Variants in GRID1 observed in about 807,000 individuals in gnomAD.
GRID1 encodes the protein glutamate ionotropic receptor delta type subunit 1.
A neutral mutation model predicts 98.0 loss-of-function variants in GRID1; 28 were observed. The observed-to-expected ratio is 0.29, with a 90% CI of 0.21 to 0.39. The LOEUF (loss-of-function observed/expected upper bound fraction) is 0.39. Among genes scored for constraint, GRID1 ranks in the 10% least tolerant of loss-of-function variants. The pLI, the probability that GRID1 is intolerant of heterozygous loss-of-function variation, is 1.00. For missense variants in GRID1, 1,111 were observed against 1,340.5 expected, an observed-to-expected ratio of 0.83 and a Z score of 2.67; for synonymous variants, 553 against 538.5, an observed-to-expected ratio of 1.03 and a Z score of -0.37.
chr10:85,745,746 G>T lies in GRID1; in HGVS notation c.1234-16132C>A, dbSNP rs892307913. On this transcript the variant is annotated intron_variant, in intron 8 of 15. Transcript: ENST00000327946. ...ATTAAAAAAAAAAAAAAAAGTAATT[G>T]TAGTGTCACAAACATGACCAGGTTA... 4.2e-4 allele frequency among the ~76,000 whole-genome samples: 63 copies of T among 150,754 alleles called. 1 individual carries two copies. The highest frequency in any genetic ancestry group is 1.5e-3 in the African/African-American group (60 of 41,032).
At chr10:85,769,301 T>C (rs1233264875) in intron 8 of GRID1, among the ~76,000 whole-genome samples, 19 of 152,300 alleles carry the variant, frequency 1.2e-4, no homozygotes. Flanking sequence ...AAGTGGGAGA[T>C]AAATGTGGGG....
chr10:85,631,294 C>T (rs1461063792), intron 13 of GRID1, among the ~76,000 whole-genome samples: 2 of 152,136 alleles, frequency 1.3e-5, no homozygotes, highest in Non-Finnish European at 2.9e-5. Context: ...TATCAGTAGC[C>T]CCAAACAGCC....
intron 6 of GRID1, among the ~76,000 whole-genome samples, chr10:85,857,487 C>T (rs981426398): frequency 3.9e-5 from 6 of 152,036 alleles, no homozygotes; most frequent in African/African-American, 1.4e-4. Context: ...GCTCTGTTCT[C>T]GGATGTCACC....
At chr10:86,244,079 C>T (rs1396457236) in intron 2 of GRID1, among the ~76,000 whole-genome samples, 1 of 152,214 alleles carries the variant, frequency 6.6e-6, no homozygotes, top group African/African-American at 2.4e-5. Flanking sequence ...CAGCTCCTCT[C>T]CTTATCTCTC....
At chr10:85,946,187 G>C (rs887055970) in intron 4 of GRID1, among the ~76,000 whole-genome samples, 4 of 152,126 alleles carry the variant, frequency 2.6e-5, no homozygotes, top group African/African-American at 9.7e-5. Context: ...TAGTACAAAA[G>C]ATTTCAAAAT....
chr10:86,179,354 C>T (rs1845621854), intron 3 of GRID1, among the ~76,000 whole-genome samples: 1 of 152,030 alleles, frequency 6.6e-6, no homozygotes, highest in African/African-American at 2.4e-5. Context: ...ATCAGCCAGA[C>T]ATTTACTCAT....
chr10:85,739,425 A>G (rs1841918995), intron 8 of GRID1, among the ~76,000 whole-genome samples: 1 of 152,062 alleles, frequency 6.6e-6, no homozygotes, highest in African/African-American at 2.4e-5. Context: ...AAAAATAAAC[A>G]AATAAAAAAA....
At chr10:86,304,587 A>C (rs1847734031) in intron 2 of GRID1, among the ~76,000 whole-genome samples, 1 of 152,244 alleles carries the variant, frequency 6.6e-6, no homozygotes, top group South Asian at 2.1e-4. Context: ...CCCCAAAGGC[A>C]GAAAGAGAAA....
intron 12 of GRID1, among the ~76,000 whole-genome samples, chr10:85,668,872 A>T (rs1841053532): frequency 1.3e-5 from 2 of 152,212 alleles, no homozygotes; most frequent in Non-Finnish European, 2.9e-5. Flanking sequence ...ACAGCTCATG[A>T]TCCTTCCTGT....
intron 4 of GRID1, among the ~76,000 whole-genome samples, chr10:86,053,113 CT>C (rs1843524134): frequency 6.6e-6 from 1 of 152,190 alleles, no homozygotes; most frequent in Non-Finnish European, 1.5e-5. Flanking sequence ...TTACCCTCCG[CT>C]GCAAAGGTAT....
intron 4 of GRID1, among the ~76,000 whole-genome samples, chr10:86,136,696 C>T (rs1844929866): frequency 6.6e-6 from 1 of 152,330 alleles, no homozygotes; most frequent in East Asian, 1.9e-4. Flanking sequence ...TCGGCGGAGA[C>T]TGAAGACTAC....
chr10:86,302,020 T>C (rs1177428761), intron 2 of GRID1, among the ~76,000 whole-genome samples: 1 of 152,198 alleles, frequency 6.6e-6, no homozygotes, highest in Non-Finnish European at 1.5e-5. Context: ...TGGCCCTCAC[T>C]CTACTTCTGG....
At chr10:86,006,975 C>T (rs1014971165) in intron 4 of GRID1, among the ~76,000 whole-genome samples, 1 of 152,142 alleles carries the variant, frequency 6.6e-6, no homozygotes, top group African/African-American at 2.4e-5. Flanking sequence ...TACCCAGCAG[C>T]TCTGGAGCAA....
At chr10:85,776,260 C>T (rs1293382106) in intron 8 of GRID1, among the ~76,000 whole-genome samples, 4 of 152,262 alleles carry the variant, frequency 2.6e-5, no homozygotes, top group African/African-American at 9.6e-5. Context: ...ATAAGCACTT[C>T]ACCTATGCAA....
At position 85,615,648 on chromosome 10, in the gene GRID1, T is replaced by A. The variant is rs575252662; in HGVS notation, c.2361-2001A>T. Among the ~76,000 whole-genome samples the A allele has an allele frequency of 3.6e-4, 55 of 152,342 alleles. 1 individual carries two copies. The highest frequency in any genetic ancestry group is 2.2e-3 in the Admixed American group (33 of 15,308). On this transcript the variant is annotated intron_variant, in intron 14 of 15. Transcript: ENST00000327946. Reference sequence around the variant, plus strand: ...TATATGGTTTGGGGTCATGCTTAGATTGCCCCAGAACACTACAGACCTCTC... The same window carrying A: ...TATATGGTTTGGGGTCATGCTTAGAATGCCCCAGAACACTACAGACCTCTC...
intron 15 of GRID1, among the ~76,000 whole-genome samples, chr10:85,612,595 CAG>C (rs1159000524): frequency 6.6e-6 from 1 of 152,018 alleles, no homozygotes; most frequent in African/African-American, 2.4e-5. Flanking sequence ...GTCTATGTGG[CAG>C]AGAGTGACAG....
intron 6 of GRID1, among the ~76,000 whole-genome samples, chr10:85,863,347 T>TC (rs35820963): frequency 6.6e-6 from 1 of 151,662 alleles, no homozygotes; most frequent in South Asian, 2.1e-4. Context: ...TTATGAGGGC[T>TC]CCCCCCCTCA....
chr10:85,783,252 G>A (rs1194247206), intron 8 of GRID1, among the ~76,000 whole-genome samples: 1 of 152,212 alleles, frequency 6.6e-6, no homozygotes, highest in East Asian at 1.9e-4. Flanking sequence ...TGCAATGAAG[G>A]CGACAAGAAG....
In GRID1 at chr10:86,304,979, G is replaced by A. The variant is rs576840311; in HGVS notation, c.235+58962C>T. Reference sequence around the variant, plus strand: ...CTAGGCTATGGGGGCCAGTTATTTCGTCAAACATGAGTCTAGAGGTTGCTA... The same window carrying A: ...CTAGGCTATGGGGGCCAGTTATTTCATCAAACATGAGTCTAGAGGTTGCTA... On this transcript the variant is annotated intron_variant, in intron 2 of 15. Coordinates refer to ENST00000327946, the MANE Select transcript of GRID1 (RefSeq NM_017551.3). Among the ~76,000 whole-genome samples the A allele has an allele frequency of 5.5e-4, 84 of 152,126 alleles. No individual in the cohort carries two copies. The South Asian group carries it at 0.015, about 26-fold the overall frequency.
Sources: gnomAD v4.1 joint callset for allele counts (sites outside exome capture counted in the v4.1 genomes callset) on GRCh38, gnomAD v4.1.1 for gene constraint, MANE v1.5 for transcripts, NCBI Gene and HGNC (gene_info 2026-07-23, HGNC 2026-07-21) for gene names.